Variants in DGKB observed in about 807,000 individuals in gnomAD.
The protein encoded by DGKB is diacylglycerol kinase beta.
In DGKB, 67 loss-of-function variants were observed where a neutral mutation model predicts 114.3. That is an observed-to-expected ratio of 0.59 (90% CI 0.48 to 0.72). The LOEUF (loss-of-function observed/expected upper bound fraction) is 0.72, where lower values mean the gene tolerates loss of function less well. Among genes scored for constraint, DGKB ranks in the 30% least tolerant of loss-of-function variants. The pLI is 0.00. For synonymous variants in DGKB, 398 were observed against 323.1 expected (o/e 1.23, Z -2.49); for missense variants, 907 against 975.2 (o/e 0.93, Z 0.93).
chr7:14,248,891 G>T (rs188582241), intron 23 of DGKB, among the ~76,000 whole-genome samples: 2 of 152,110 alleles, frequency 1.3e-5, no homozygotes, highest in Non-Finnish European at 2.9e-5. Flanking sequence ...GAAAACAAGT[G>T]TTGAGAGAGA....
chr7:14,228,576 C>T (rs1413685502), intron 23 of DGKB, among the ~76,000 whole-genome samples: 1 of 151,962 alleles, frequency 6.6e-6, no homozygotes, highest in East Asian at 1.9e-4. Flanking sequence ...TACAGCGCTA[C>T]ACTGGCTGCT....
chr7:14,483,623 T>G (rs1408772239), intron 20 of DGKB, among the ~76,000 whole-genome samples: 1 of 152,114 alleles, frequency 6.6e-6, no homozygotes, highest in African/African-American at 2.4e-5. Flanking sequence ...AACCTTGAAA[T>G]GTTACCTTTG....
At chr7:14,706,382 C>A (rs1177254199) in intron 6 of DGKB, among the ~76,000 whole-genome samples, 1 of 145,656 alleles carries the variant, frequency 6.9e-6, no homozygotes, top group East Asian at 2.1e-4. Flanking sequence ...CTTTAACACC[C>A]CACTGTCAAC....
chr7:14,704,349 G>C lies in DGKB; in HGVS notation c.467-2619C>G, dbSNP rs1313340720. 3.3e-5 allele frequency among the ~76,000 whole-genome samples: 5 copies of C among 150,324 alleles called. No individual in the cohort carries two copies. In the East Asian group the frequency reaches 7.9e-4, roughly 24 times the overall value. On this transcript the variant is annotated intron_variant, in intron 6 of 25. Transcript: ENST00000402815. The stretch of plus-strand genomic sequence containing the variant: ...TGTAGTCCCAGCTACGCGGGAGGCT[G>C]AGGCAGGAGAATGGCGCGAACCAGG...
In DGKB at chr7:14,305,359, A is replaced by G. The variant is rs553840096; in HGVS notation, c.2122+33156T>C. Among the ~76,000 whole-genome samples the G allele has an allele frequency of 1.3e-4, 20 of 152,226 alleles. No homozygotes were observed. In the South Asian group the frequency reaches 3.9e-3, roughly 30 times the overall value. ...ATGAGATCAATTTTTTTGCTTCTAC[A>G]TGTGAGTGGGAACATGTGATATACG... On this transcript the variant is annotated intron_variant, in intron 23 of 25. Coordinates refer to ENST00000402815, the MANE Select transcript of DGKB (RefSeq NM_001350709.2).
chr7:14,265,608 C>A (rs1459385192), intron 23 of DGKB, among the ~76,000 whole-genome samples: 1 of 152,030 alleles, frequency 6.6e-6, no homozygotes, highest in African/African-American at 2.4e-5. Flanking sequence ...CATAGTATCT[C>A]ATCCTTGCTC....
At chr7:14,574,014 A>G (rs1385698124) in intron 20 of DGKB, among the ~76,000 whole-genome samples, 198 bp downstream of exon 20, 1 of 152,120 alleles carries the variant, frequency 6.6e-6, no homozygotes, top group Non-Finnish European at 1.5e-5. Context: ...AATTGCTGAT[A>G]CTCTGACTTC....
intron 2 of DGKB, among the ~76,000 whole-genome samples, chr7:14,810,894 T>A (rs1843349771): frequency 6.6e-6 from 1 of 152,146 alleles, no homozygotes; most frequent in Admixed American, 6.5e-5. Context: ...CAAGTGTGAG[T>A]CACGGCGCCC....
chr7:14,569,345 T>G (rs1798040812), intron 20 of DGKB, among the ~76,000 whole-genome samples: 1 of 152,192 alleles, frequency 6.6e-6, no homozygotes. Context: ...TTTGTTTAAT[T>G]AGTTCTGATC....
intron 21 of DGKB, among the ~76,000 whole-genome samples, chr7:14,429,426 C>T (rs1828083393): frequency 6.6e-6 from 1 of 152,142 alleles, no homozygotes; most frequent in Non-Finnish European, 1.5e-5. Flanking sequence ...CTTGGACTTC[C>T]AAGCCTCCAG....
intron 1 of DGKB, among the ~76,000 whole-genome samples, chr7:14,875,968 G>A (rs148070051): frequency 3.9e-5 from 6 of 152,240 alleles, no homozygotes; most frequent in East Asian, 1.9e-4. Context: ...CTCCTTACAC[G>A]GTTGAGCATT....
chr7:14,728,349 G>A (rs1377214371), intron 5 of DGKB, among the ~76,000 whole-genome samples: 1 of 152,122 alleles, frequency 6.6e-6, no homozygotes, highest in African/African-American at 2.4e-5. Context: ...GATTTCTTCT[G>A]GATAAAATTC....
chr7:14,157,917 G>A (rs912291375), intron 25 of DGKB, among the ~76,000 whole-genome samples: 1 of 152,086 alleles, frequency 6.6e-6, no homozygotes, highest in African/African-American at 2.4e-5. Flanking sequence ...CTTGTGACTT[G>A]ACTTTTCTTA....
chr7:14,738,352 A>G (rs1319371074), intron 4 of DGKB, among the ~76,000 whole-genome samples: 1 of 152,340 alleles, frequency 6.6e-6, no homozygotes, highest in South Asian at 2.1e-4. Context: ...GGTCTTCCAT[A>G]ATCAGTATTT....
At chr7:14,527,586 G>T (rs1790846528) in intron 20 of DGKB, among the ~76,000 whole-genome samples, 1 of 151,984 alleles carries the variant, frequency 6.6e-6, no homozygotes, top group Admixed American at 6.6e-5. Context: ...ATGCATACTT[G>T]ACTCTATATA....
At chr7:14,836,822 C>A (rs973263715) in intron 2 of DGKB, among the ~76,000 whole-genome samples, 66 of 152,306 alleles carry the variant, frequency 4.3e-4, no homozygotes, top group African/African-American at 1.4e-3. Flanking sequence ...CAACACAGAG[C>A]GGAGGCTGCC....
intron 23 of DGKB, among the ~76,000 whole-genome samples, chr7:14,189,086 G>T (rs574452083): frequency 1.3e-5 from 2 of 152,146 alleles, no homozygotes; most frequent in African/African-American, 2.4e-5. Context: ...AGGAAAACAA[G>T]TGAAAGTATA....
rs147519670 is a variant in DGKB, at chr7:14,719,984, G to A, written c.323-1299C>T. On this transcript the variant is annotated intron_variant, in intron 5 of 25. Coordinates refer to ENST00000402815, the MANE Select transcript of DGKB (RefSeq NM_001350709.2). ...CTTCCCAGAGTTTCATAACCAGCAAGACAAATCCATCTTCCTGTTTCTACA... is the reference window on the plus strand; with the variant it reads ...CTTCCCAGAGTTTCATAACCAGCAAAACAAATCCATCTTCCTGTTTCTACA... 1.1e-4 allele frequency among the ~76,000 whole-genome samples: 17 copies of A among 152,206 alleles called. No homozygotes were observed. In the East Asian group the frequency reaches 3.3e-3, roughly 29 times the overall value.
chr7:14,374,651 A>G lies in DGKB; in HGVS notation c.1836-29260T>C, dbSNP rs147111176. ...GTCTTAACAACCCTTTGGTATGATAATAAGAGCTAGTCGCATGAGTCTCCT... is the reference window on the plus strand; with the variant it reads ...GTCTTAACAACCCTTTGGTATGATAGTAAGAGCTAGTCGCATGAGTCTCCT... On this transcript the variant is annotated intron_variant, in intron 21 of 25. Coordinates refer to ENST00000402815, the MANE Select transcript of DGKB (RefSeq NM_001350709.2). Among the ~76,000 whole-genome samples, 1,133 of 152,302 alleles carry G rather than the reference A, an allele frequency of 7.4e-3. 6 individuals carry two copies. Among genetic ancestry groups the G allele is most frequent in the South Asian group, 0.022 (106 of 4,822 alleles).
Sources: allele counts gnomAD v4.1 joint callset (sites outside exome capture counted in the v4.1 genomes callset), GRCh38; gene constraint gnomAD v4.1.1; transcripts MANE v1.5; gene names NCBI Gene and HGNC (gene_info 2026-07-23, HGNC 2026-07-21).